The following ARMH4 variants were observed in gnomAD, a reference collection of about 807,000 sequenced individuals.
ARMH4 encodes the protein armadillo-like helical domain-containing protein 4.
A neutral mutation model predicts 61.9 loss-of-function variants in ARMH4; 49 were observed. The ratio of observed to expected loss-of-function variants is 0.79; its 90% confidence interval spans 0.63 to 1.00. ARMH4 has a LOEUF of 1.00. Ranked by LOEUF, ARMH4 falls within the 50% of genes least tolerant of loss-of-function variation. The pLI is 0.00. For synonymous variants in ARMH4, 368 were observed against 341.5 expected (o/e 1.08, Z -0.85); for missense variants, 934 against 930.0 (o/e 1.00, Z -0.06).
chr14:58,006,075 T>C (rs890312631), intron 6 of ARMH4, among the ~76,000 whole-genome samples: 1 of 152,168 alleles, frequency 6.6e-6, no homozygotes, highest in African/African-American at 2.4e-5. Flanking sequence ...GAGAGCAGGA[T>C]GATCCCTGGA....
chr14:58,136,064 C>G (rs1449951748), intron 2 of ARMH4, among the ~76,000 whole-genome samples: 3 of 152,110 alleles, frequency 2.0e-5, no homozygotes, highest in Non-Finnish European at 4.4e-5. Context: ...TAACTCCAGT[C>G]TGAATGGTTC....
intron 5 of ARMH4, among the ~76,000 whole-genome samples, chr14:58,019,800 A>G (rs1293855351): frequency 6.6e-6 from 1 of 152,092 alleles, no homozygotes; most frequent in Non-Finnish European, 1.5e-5. Flanking sequence ...CAAAAAAATA[A>G]TAATAAAATA....
intron 5 of ARMH4, among the ~76,000 whole-genome samples, chr14:58,019,351 T>A (rs528747422): frequency 7.9e-4 from 120 of 152,306 alleles, no homozygotes; most frequent in African/African-American, 2.8e-3. Context: ...AAACATCATG[T>A]TGTTTTGAAT....
rs895517366 is a variant in ARMH4 at position 58,145,376 on chromosome 14, T to C, written c.-56-5962A>G. Among the ~76,000 whole-genome samples, 7 of 152,340 alleles carry C rather than the reference T, an allele frequency of 4.6e-5. No individual in the cohort carries two copies. In the East Asian group the frequency reaches 1.3e-3, roughly 29 times the overall value. ...TCACCTATATGACATGAAATAAAAATACAAATATTTCTATATTCCTATAAT... is the reference window on the plus strand; with the variant it reads ...TCACCTATATGACATGAAATAAAAACACAAATATTTCTATATTCCTATAAT... On this transcript the variant is annotated intron_variant, in intron 1 of 7. Coordinates refer to ENST00000267485, the MANE Select transcript of ARMH4 (RefSeq NM_001001872.4).
chr14:58,048,831 G>A (rs1884026257), intron 5 of ARMH4, among the ~76,000 whole-genome samples: 1 of 152,152 alleles, frequency 6.6e-6, no homozygotes, highest in Non-Finnish European at 1.5e-5. Flanking sequence ...ACTTGAAAAT[G>A]CTTTGCACCC....
At chr14:58,103,573 A>G (rs1268818178) in intron 4 of ARMH4, among the ~76,000 whole-genome samples, 1 of 148,976 alleles carries the variant, frequency 6.7e-6, no homozygotes, top group African/African-American at 2.5e-5. Flanking sequence ...TCCTATAAAC[A>G]GGAACTGTCC....
intron 1 of ARMH4, among the ~76,000 whole-genome samples, chr14:58,150,529 G>A (rs758392479): frequency 3.3e-5 from 5 of 152,062 alleles, no homozygotes; most frequent in African/African-American, 4.8e-5. Context: ...AACCATTTCC[G>A]TAATACCAAA....
chr14:58,051,260 G>T (rs1040722520), intron 5 of ARMH4, among the ~76,000 whole-genome samples: 2 of 152,060 alleles, frequency 1.3e-5, no homozygotes, highest in Non-Finnish European at 2.9e-5. Context: ...AATTTCTAGG[G>T]CCAGCTGATG....
At chr14:58,127,855 T>G (rs1886954656) in intron 4 of ARMH4, among the ~76,000 whole-genome samples, 1 of 151,898 alleles carries the variant, frequency 6.6e-6, no homozygotes, top group Non-Finnish European at 1.5e-5. Flanking sequence ...AGGGAAGAAG[T>G]GCGGGGGGTG....
chr14:58,037,890 AG>A (rs1883531185), intron 5 of ARMH4, among the ~76,000 whole-genome samples: 1 of 24,032 alleles, frequency 4.2e-5, no homozygotes, highest in Non-Finnish European at 8.0e-5. Context: ...ATCATTAAAA[AG>A]TCAGGAAACA....
intron 4 of ARMH4, among the ~76,000 whole-genome samples, chr14:58,114,151 T>C (rs1278200754): frequency 6.6e-6 from 1 of 152,288 alleles, no homozygotes; most frequent in Non-Finnish European, 1.5e-5. Context: ...GGGAAACCTA[T>C]GGGACTCTAT....
intron 5 of ARMH4, among the ~76,000 whole-genome samples, chr14:58,022,004 G>C (rs1206260695): frequency 6.6e-6 from 1 of 152,118 alleles, no homozygotes; most frequent in Non-Finnish European, 1.5e-5. Flanking sequence ...AAACATAGTG[G>C]AATAAAGCAA....
intron 4 of ARMH4, among the ~76,000 whole-genome samples, chr14:58,106,717 A>C (rs567268235): frequency 6.6e-6 from 1 of 152,244 alleles, no homozygotes; most frequent in East Asian, 1.9e-4. Context: ...ACGGCTTTTC[A>C]GGCTTTATTC....
At chr14:58,103,702 C>G (rs1231142286) in intron 4 of ARMH4, among the ~76,000 whole-genome samples, 1 of 152,090 alleles carries the variant, frequency 6.6e-6, no homozygotes, top group Non-Finnish European at 1.5e-5. Context: ...GACCCTCCCA[C>G]CTCAGCCTCC....
intron 5 of ARMH4, among the ~76,000 whole-genome samples, chr14:58,013,685 A>G (rs1794404713): frequency 6.6e-6 from 1 of 152,156 alleles, no homozygotes; most frequent in Non-Finnish European, 1.5e-5. Flanking sequence ...CTCAGGGAAA[A>G]GATGAGGAAA....
chr14:58,023,872 T>C (rs183636268), intron 5 of ARMH4, among the ~76,000 whole-genome samples: 29 of 152,366 alleles, frequency 1.9e-4, no homozygotes, highest in Non-Finnish European at 3.2e-4. Context: ...AGGTACATTG[T>C]CAATGAGCAG....
chr14:58,079,239 G>C (rs901757152), intron 5 of ARMH4, among the ~76,000 whole-genome samples: 2 of 152,056 alleles, frequency 1.3e-5, no homozygotes, highest in African/African-American at 4.8e-5. Context: ...AATTTATAAA[G>C]AAAAAAAGAA....
chr14:58,103,535 C>A (rs1886071796), intron 4 of ARMH4, among the ~76,000 whole-genome samples: 1 of 151,442 alleles, frequency 6.6e-6, no homozygotes, highest in East Asian at 1.9e-4. Context: ...CAAAAAAAAA[C>A]CCTACTTAAA....
intron 5 of ARMH4, among the ~76,000 whole-genome samples, chr14:58,060,857 T>C (rs1037107255): frequency 1.2e-4 from 18 of 152,166 alleles, no homozygotes; most frequent in Admixed American, 2.0e-4. Flanking sequence ...ATTCCCAAAC[T>C]GCCTCTGCAA....
Sources: allele counts gnomAD v4.1 joint callset (sites outside exome capture counted in the v4.1 genomes callset), GRCh38; gene constraint gnomAD v4.1.1; transcripts MANE v1.5; gene names NCBI Gene and HGNC (gene_info 2026-07-23, HGNC 2026-07-21).